GALNTL6: variants seen among roughly 807,000 people sequenced by gnomAD.
The protein encoded by GALNTL6 is polypeptide N-acetylgalactosaminyltransferase like 6.
In GALNTL6, 46 loss-of-function variants were observed where a neutral mutation model predicts 73.7. That is an observed-to-expected ratio of 0.62 (90% CI 0.49 to 0.80). The LOEUF is 0.80. Ranked by LOEUF, GALNTL6 falls within the 30% of genes least tolerant of loss-of-function variation. GALNTL6 has a pLI of 0.00. For missense variants in GALNTL6, 604 were observed against 755.0 expected (o/e 0.80, Z 2.34); for synonymous variants, 259 against 263.7 (o/e 0.98, Z 0.17).
chr4:171,832,591 T>C (rs1735007981), intron 2 of GALNTL6, among the ~76,000 whole-genome samples: 2 of 151,502 alleles, frequency 1.3e-5, no homozygotes, highest in African/African-American at 2.4e-5. Context: ...AAAAAAAGTA[T>C]AGAGTAAAAA....
intron 2 of GALNTL6, among the ~76,000 whole-genome samples, chr4:172,057,833 T>C (rs1303532028): frequency 6.7e-6 from 1 of 149,468 alleles, no homozygotes; most frequent in Non-Finnish European, 1.5e-5. Context: ...CTTTGTGTGA[T>C]AAACTTTCCA....
intron 10 of GALNTL6, among the ~76,000 whole-genome samples, chr4:172,972,101 G>T (rs866131370): frequency 6.6e-6 from 1 of 152,098 alleles, no homozygotes; most frequent in African/African-American, 2.4e-5. Context: ...GACTGAGAAA[G>T]ACATTATAAT....
At chr4:172,292,442 T>C (rs1212241783) in intron 3 of GALNTL6, among the ~76,000 whole-genome samples, 2 of 152,158 alleles carry the variant, frequency 1.3e-5, no homozygotes, top group Admixed American at 6.6e-5. Flanking sequence ...TTTATTAATA[T>C]TCATACTGAT....
chr4:172,426,916 T>TTATATATATATATATA (rs35184907), intron 5 of GALNTL6, among the ~76,000 whole-genome samples: 1 of 149,378 alleles, frequency 6.7e-6, no homozygotes, highest in African/African-American at 2.5e-5. Context: ...GTAAGGACTC[T>TTATATATATATATATA]TATATATATA....
intron 2 of GALNTL6, among the ~76,000 whole-genome samples, chr4:172,117,995 T>C (rs1444359305): frequency 6.6e-6 from 1 of 152,126 alleles, no homozygotes; most frequent in Non-Finnish European, 1.5e-5. Flanking sequence ...GGTTATGGGT[T>C]ATCTGGGTGT....
At chr4:172,779,694 G>A (rs887688022) in intron 5 of GALNTL6, among the ~76,000 whole-genome samples, 1 of 152,198 alleles carries the variant, frequency 6.6e-6, no homozygotes, top group Admixed American at 6.5e-5. Flanking sequence ...TGGGTTAAAG[G>A]TGCTGAAAGC....
chr4:172,373,655 G>A (rs1742908848), intron 5 of GALNTL6, among the ~76,000 whole-genome samples: 1 of 152,018 alleles, frequency 6.6e-6, no homozygotes. Flanking sequence ...TTCAAGTAGG[G>A]GACAACAAAT....
At chr4:172,367,915 G>T (rs1450207348) in intron 5 of GALNTL6, among the ~76,000 whole-genome samples, 4 of 151,936 alleles carry the variant, frequency 2.6e-5, no homozygotes, top group Non-Finnish European at 5.9e-5. Flanking sequence ...GCCTTAATTG[G>T]CAATACCCAT....
chr4:172,904,002 T>G (rs1746756288), intron 8 of GALNTL6, among the ~76,000 whole-genome samples: 4 of 152,204 alleles, frequency 2.6e-5, no homozygotes, highest in Admixed American at 2.0e-4. Context: ...GCACATCTAT[T>G]TTGACAGCAT....
chr4:171,950,925 A>G (rs1289925497), intron 2 of GALNTL6, among the ~76,000 whole-genome samples: 1 of 152,208 alleles, frequency 6.6e-6, no homozygotes, highest in African/African-American at 2.4e-5. Context: ...AATGTAAAAA[A>G]GGAAGAAAAA....
intron 3 of GALNTL6, among the ~76,000 whole-genome samples, chr4:172,250,581 G>A (rs1412344298): frequency 6.6e-6 from 1 of 152,102 alleles, no homozygotes; most frequent in East Asian, 1.9e-4. Context: ...TGGTTTGTAA[G>A]AGGCTTCCCC....
chr4:172,161,419 T>C (rs539927662), intron 2 of GALNTL6, among the ~76,000 whole-genome samples: 3 of 152,112 alleles, frequency 2.0e-5, no homozygotes, highest in African/African-American at 7.2e-5. Context: ...AGAAGAAATG[T>C]AGGCTTTGTT....
chr4:172,795,927 G>A (rs113222162), intron 5 of GALNTL6, among the ~76,000 whole-genome samples: 28 of 151,166 alleles, frequency 1.9e-4, no homozygotes, highest in East Asian at 5.8e-4. Flanking sequence ...AAGTTATGAC[G>A]TATTTAAAAT....
chr4:171,969,667 C>T (rs950482714), intron 2 of GALNTL6, among the ~76,000 whole-genome samples: 3 of 152,134 alleles, frequency 2.0e-5, no homozygotes, highest in Non-Finnish European at 2.9e-5. Context: ...AACTAGTCGT[C>T]AGCCTTGCCT....
rs77808991 is a variant in GALNTL6 at position 172,777,741 on chromosome 4, GT to G, written c.554-31611del. Among the ~76,000 whole-genome samples, 103 of 151,138 alleles carry G rather than the reference GT, an allele frequency of 6.8e-4. 1 individual carries two copies. In the East Asian group the frequency reaches 0.018, roughly 27 times the overall value. On this transcript the variant is annotated intron_variant, in intron 5 of 12. Transcript: ENST00000506823. ...TAGAGACTTCCATAGAAGGAGGTGG[GT>G]TTTTTTTTCTCTCACAATGGAGTAG...
At chr4:172,955,391 T>C (rs963747420) in intron 10 of GALNTL6, among the ~76,000 whole-genome samples, 1 of 151,730 alleles carries the variant, frequency 6.6e-6, no homozygotes, top group Non-Finnish European at 1.5e-5. Flanking sequence ...GGTAGGAGAA[T>C]CGCTTGAACC....
chr4:172,301,352 CCTT>C (rs1223680506), intron 3 of GALNTL6, among the ~76,000 whole-genome samples: 3 of 152,172 alleles, frequency 2.0e-5, no homozygotes, highest in Non-Finnish European at 4.4e-5. Context: ...TCGTCTGAAG[CCTT>C]CTTCTCTCAA....
intron 2 of GALNTL6, among the ~76,000 whole-genome samples, chr4:171,977,518 G>T (rs1216531130): frequency 6.6e-6 from 1 of 152,080 alleles, no homozygotes; most frequent in Non-Finnish European, 1.5e-5. Context: ...TCTTCACGTG[G>T]TTTTTCCTTC....
At chr4:172,329,622 G>C (rs1271649164) in intron 4 of GALNTL6, among the ~76,000 whole-genome samples, 1 of 152,176 alleles carries the variant, frequency 6.6e-6, no homozygotes, top group Non-Finnish European at 1.5e-5. Flanking sequence ...CAAGATGTGT[G>C]ACCTGTGTGA....
Sources: allele counts gnomAD v4.1 joint callset (sites outside exome capture counted in the v4.1 genomes callset), GRCh38; gene constraint gnomAD v4.1.1; transcripts MANE v1.5; gene names NCBI Gene and HGNC (gene_info 2026-07-23, HGNC 2026-07-21).